CYSLTR2: variants seen among roughly 807,000 people sequenced by gnomAD.
CYSLTR2 encodes G-protein coupled receptor GPCR21.
For synonymous variants in CYSLTR2, 179 were observed against 160.8 expected (o/e 1.11, Z -0.86); for missense variants, 398 against 411.9 (o/e 0.97, Z 0.29).
chr13:48,680,117 C>A (rs933920505), intron 1 of CYSLTR2, among the ~76,000 whole-genome samples: 4 of 152,184 alleles, frequency 2.6e-5, no homozygotes, highest in Admixed American at 6.5e-5. Context: ...AAGGTCAGGG[C>A]AGCTCATTGT....
chr13:48,702,370 G>T (rs1254896259), intron 4 of CYSLTR2, among the ~76,000 whole-genome samples: 1 of 152,064 alleles, frequency 6.6e-6, no homozygotes, highest in East Asian at 1.9e-4. Flanking sequence ...TAACAAAACT[G>T]CACGTTGTGC....
intron 1 of CYSLTR2, among the ~76,000 whole-genome samples, chr13:48,674,007 G>T (rs1953525491): frequency 1.3e-5 from 2 of 152,160 alleles, no homozygotes; most frequent in African/African-American, 2.4e-5. Flanking sequence ...AGTCTGATGG[G>T]CTTCCCTTTG....
At chr13:48,660,227 G>GTGTC (rs1433134474) in intron 1 of CYSLTR2, among the ~76,000 whole-genome samples, 1 of 152,130 alleles carries the variant, frequency 6.6e-6, no homozygotes, top group African/African-American at 2.4e-5. Context: ...GAGGGCAGAG[G>GTGTC]TGTCCCCTGG....
intron 1 of CYSLTR2, among the ~76,000 whole-genome samples, chr13:48,676,413 G>T (rs1953597747): frequency 6.6e-6 from 1 of 152,226 alleles, no homozygotes; most frequent in African/African-American, 2.4e-5. Flanking sequence ...TAGCAATGAT[G>T]TATAGATTTT....
intron 1 of CYSLTR2, among the ~76,000 whole-genome samples, chr13:48,671,559 G>A (rs1444940117): frequency 6.6e-6 from 1 of 152,160 alleles, no homozygotes; most frequent in Non-Finnish European, 1.5e-5. Context: ...CATTGGTTCT[G>A]TTTATGTGAT....
At chr13:48,668,801 C>T (rs1446332865) in intron 1 of CYSLTR2, among the ~76,000 whole-genome samples, 1 of 152,002 alleles carries the variant, frequency 6.6e-6, no homozygotes, top group Non-Finnish European at 1.5e-5. Flanking sequence ...TGTTCCCACT[C>T]CCCTGTGTCC....
intron 1 of CYSLTR2, among the ~76,000 whole-genome samples, chr13:48,658,728 G>A (rs1171960244): frequency 6.6e-6 from 1 of 152,196 alleles, no homozygotes; most frequent in Non-Finnish European, 1.5e-5. Flanking sequence ...GAAGAAATGG[G>A]CAAGAGAGAG....
intron 1 of CYSLTR2, among the ~76,000 whole-genome samples, chr13:48,674,468 A>G (rs937940332): frequency 1.3e-5 from 2 of 152,202 alleles, no homozygotes; most frequent in African/African-American, 4.8e-5. Context: ...CTTCAGCTCC[A>G]TCAGGTCTTT....
At chr13:48,667,031 A>G (rs577465981) in intron 1 of CYSLTR2, among the ~76,000 whole-genome samples, 1 of 152,316 alleles carries the variant, frequency 6.6e-6, no homozygotes, top group East Asian at 1.9e-4. Context: ...TGTCTCTTTC[A>G]ATTTTATGGA....
chr13:48,707,100 G>A lies in CYSLTR2; in HGVS notation c.283G>A (p.Ala95Thr), dbSNP rs201100531. 1.2e-5 allele frequency: 19 copies of A among 1,614,188 alleles called. No individual in the cohort carries two copies. The highest frequency in any genetic ancestry group is 1.6e-4 in the Middle Eastern group (1 of 6,062). ...GTTCATAAGCACGCTTCCCTTCAGG[G>A]CTGACTATTATCTTAGAGGCTCCAA... Reference protein sequence around the residue: ...LLFISTLPFRADYYLRGSNWI... With the variant: ...LLFISTLPFRTDYYLRGSNWI... The change falls in exon 5 of 5, where the codon GCT (alanine) becomes ACT (threonine). Residue 95 changes from alanine (A) to threonine (T), a missense_variant. By Grantham distance (58) the Ala-to-Thr change is moderately conservative. Transcript: ENST00000682523.
At chr13:48,688,930 A>T (rs1473753424) in intron 1 of CYSLTR2, among the ~76,000 whole-genome samples, 1 of 152,144 alleles carries the variant, frequency 6.6e-6, no homozygotes, top group African/African-American at 2.4e-5. Flanking sequence ...TTGCTTCCTG[A>T]CTTTTTAATG....
intron 4 of CYSLTR2, among the ~76,000 whole-genome samples, chr13:48,700,885 A>G (rs1052149862): frequency 1.3e-5 from 2 of 152,232 alleles, no homozygotes; most frequent in African/African-American, 4.8e-5. Context: ...GAGCCAAATC[A>G]TGAATGAACT....
intron 1 of CYSLTR2, among the ~76,000 whole-genome samples, chr13:48,687,703 T>C (rs1953932002): frequency 6.6e-6 from 1 of 152,210 alleles, no homozygotes. Flanking sequence ...TTGACTTTTT[T>C]GGAGATTTCT....
intron 1 of CYSLTR2, among the ~76,000 whole-genome samples, chr13:48,678,348 T>C (rs2038076316): frequency 6.6e-6 from 1 of 152,130 alleles, no homozygotes; most frequent in South Asian, 2.1e-4. Flanking sequence ...TCACTTCTCC[T>C]TAAAGCAATC....
chr13:48,677,868 A>ATTT (rs746179854), intron 1 of CYSLTR2, among the ~76,000 whole-genome samples: 1 of 131,698 alleles, frequency 7.6e-6, no homozygotes, highest in Non-Finnish European at 1.6e-5. Flanking sequence ...GCCTGGTACT[A>ATTT]TTTTTTTTTT....
rs559151015 is a variant in CYSLTR2 at position 48,669,538 on chromosome 13, C to T, written c.-266+15521C>T. ...TGAGAACATAATGGTGTTTGATTTTCTGTTCCTGTGTTAGTCTGCTGAGAA... is the reference window on the plus strand; with the variant it reads ...TGAGAACATAATGGTGTTTGATTTTTTGTTCCTGTGTTAGTCTGCTGAGAA... On this transcript the variant is annotated intron_variant, in intron 1 of 4. Transcript: ENST00000682523. Among the ~76,000 whole-genome samples the T allele has an allele frequency of 1.3e-4, 20 of 152,056 alleles. No individual in the cohort carries two copies. In the South Asian group the frequency reaches 4.2e-3, roughly 32 times the overall value.
At chr13:48,699,502 T>C (rs1392715826) in intron 4 of CYSLTR2, among the ~76,000 whole-genome samples, 3 of 152,196 alleles carry the variant, frequency 2.0e-5, no homozygotes, top group Non-Finnish European at 4.4e-5. Flanking sequence ...CCAGAATCTC[T>C]GGGACAATTT....
chr13:48,664,240 C>G (rs537014035), intron 1 of CYSLTR2, among the ~76,000 whole-genome samples: 141 of 151,970 alleles, frequency 9.3e-4, no homozygotes, highest in African/African-American at 3.3e-3. Flanking sequence ...TTTTGTTTGG[C>G]ATTTTTGCTT....
In CYSLTR2 at chr13:48,696,904, G is replaced by A. The variant is rs535358210; in HGVS notation, c.-2+278G>A. Among the ~76,000 whole-genome samples the A allele has an allele frequency of 9.2e-5, 14 of 152,260 alleles. 1 individual carries two copies. The East Asian group carries it at 2.1e-3, about 23-fold the overall frequency. On this transcript the variant is annotated intron_variant, in intron 4 of 4. Transcript: ENST00000682523. The stretch of plus-strand genomic sequence containing the variant: ...GAGGGTCCCACGCCCACGGAGCCTC[G>A]CTCACTGCTAGCATAACAGTCTGAG...
Sources: allele counts gnomAD v4.1 joint callset (sites outside exome capture counted in the v4.1 genomes callset), GRCh38; gene constraint gnomAD v4.1.1; transcripts MANE v1.5; gene names NCBI Gene and HGNC (gene_info 2026-07-23, HGNC 2026-07-21).